The following RAD18 variants were observed in gnomAD, a reference collection of about 807,000 sequenced individuals.
The protein encoded by RAD18 is E3 ubiquitin-protein ligase RAD18.
A neutral mutation model predicts 60.4 loss-of-function variants in RAD18; 47 were observed. The ratio of observed to expected loss-of-function variants is 0.78; its 90% confidence interval spans 0.62 to 0.99. RAD18 has a LOEUF of 0.99. Among genes scored for constraint, RAD18 ranks in the 50% least tolerant of loss-of-function variants. The probability of loss-of-function intolerance (pLI) is 0.00; values close to 1 mark genes in which losing one functional copy is unlikely to be tolerated. For synonymous variants in RAD18, 225 were observed against 195.5 expected, an observed-to-expected ratio of 1.15 and a Z score of -1.26; for missense variants, 640 against 593.3, an observed-to-expected ratio of 1.08 and a Z score of -0.82.
At chr3:8,886,304 G>C (rs45556034) in intron 12 of RAD18, among the ~76,000 whole-genome samples, 3,899 of 152,258 alleles carry the variant, frequency 0.026, 163 homozygotes, top group African/African-American at 0.088. Flanking sequence ...CTGCAAAAGG[G>C]AGGAGGTATA....
In RAD18 at chr3:8,963,376, G is replaced by A. The variant is rs531231872; in HGVS notation, c.10C>T (p.Leu4=). The part of the protein sequence containing the change: MDS[L]AESRWPPGLA... ...CCCGGAGGCCACCGAGACTCGGCCA[G>A]GGAGTCCATGGTCGCTCCCGAGGAT... Residue 4 remains leucine (L), a synonymous_variant, in exon 1 of 13, where the codon CTG becomes TTG. Coordinates refer to ENST00000264926, the MANE Select transcript of RAD18 (RefSeq NM_020165.4). The A allele has an allele frequency of 4.4e-6, 7 of 1,609,144 alleles. No individual in the cohort carries two copies. The highest frequency in any genetic ancestry group is 5.9e-6 in the Non-Finnish European group (7 of 1,177,866).
chr3:8,880,111 AT>A lies in RAD18; in HGVS notation c.*1245del, dbSNP rs1298619916. 2.0e-5 allele frequency: 3 copies of A among 152,074 alleles called. No individual in the cohort carries two copies. Among genetic ancestry groups the A allele is most frequent in the Non-Finnish European group, 2.9e-5 (2 of 68,018 alleles). The allele number at this position is 152,074 out of a possible 1,614,324, so 9.4% of individuals were successfully genotyped here. ...CATGCAAATGAAATTATTATGACAA[AT>A]TTTTCTATAGCCATTTCTAACACAG... On this transcript the variant is annotated 3_prime_UTR_variant, in exon 13 of 13. Transcript: ENST00000264926.
chr3:8,946,903 G>A, intron 4 of RAD18: 1 of 226,466 alleles, frequency 4.4e-6, no homozygotes, highest in Non-Finnish European at 8.6e-6. Flanking sequence ...TCCAAGAAGA[G>A]GAGCTCCTTG....
At chr3:8,945,468 C>CATT (rs1940824021) in intron 4 of RAD18, among the ~76,000 whole-genome samples, 1 of 96,374 alleles carries the variant, frequency 1.0e-5, no homozygotes. Flanking sequence ...TTTCCATCTT[C>CATT]TTTTTTTTTT....
intron 7 of RAD18, among the ~76,000 whole-genome samples, chr3:8,926,988 C>T (rs1940451940): frequency 6.6e-6 from 1 of 152,040 alleles, no homozygotes. Context: ...CCATTCAGGA[C>T]ATAGGCATGG....
chr3:8,890,103 C>T (rs755324496), intron 12 of RAD18: 9 of 396,596 alleles, frequency 2.3e-5, no homozygotes, highest in East Asian at 5.0e-5. Context: ...TTTCTCAGGA[C>T]GTATCCCCAT....
chr3:8,918,084 G>A (rs570861074), intron 7 of RAD18, among the ~76,000 whole-genome samples: 239 of 152,222 alleles, frequency 1.6e-3, no homozygotes, highest in African/African-American at 4.4e-3. Flanking sequence ...TTGGGAGGCC[G>A]AGGCGAGTGG....
Position 8,947,016 on chromosome 3 carries a change from A to G in RAD18, c.266+204T>C, listed in dbSNP as rs1940849721. 6 of 521,890 alleles carry G rather than the reference A, an allele frequency of 1.1e-5. No homozygotes were observed. The South Asian group carries it at 1.4e-4, about 12-fold the overall frequency. 32.3% of individuals were successfully genotyped at this position (521,890 alleles called of 1,614,324 possible). ...CTGCGTTTTAACTCTTAATTATTCTATACTACAGGAGAATTTCTGTTAAGT... is the reference window on the plus strand; with the variant it reads ...CTGCGTTTTAACTCTTAATTATTCTGTACTACAGGAGAATTTCTGTTAAGT... On this transcript the variant is annotated intron_variant, in intron 4 of 12. Coordinates refer to ENST00000264926, the MANE Select transcript of RAD18 (RefSeq NM_020165.4).
In RAD18 at chr3:8,895,000, C is replaced by T. The variant is rs143045584; in HGVS notation, c.1322+3894G>A. On this transcript the variant is annotated intron_variant, in intron 11 of 12. Coordinates refer to ENST00000264926, the MANE Select transcript of RAD18 (RefSeq NM_020165.4). ...GTCTTCCTGACTTCAGGTGATCCAC[C>T]TGCCTTGGCCTCCCAAAGTGCTGGG... Among the ~76,000 whole-genome samples the T allele has an allele frequency of 7.9e-5, 12 of 152,196 alleles. No homozygotes were observed. In the East Asian group the frequency reaches 2.3e-3, roughly 29 times the overall value.
rs182518199 is a variant in RAD18 at position 8,905,318 on chromosome 3, C to T, written c.1028-2798G>A. Among the ~76,000 whole-genome samples, 254 of 152,222 alleles carry T rather than the reference C, an allele frequency of 1.7e-3. 1 individual carries two copies. The highest frequency in any genetic ancestry group is 3.3e-3 in the Admixed American group (50 of 15,292). On this transcript the variant is annotated intron_variant, in intron 9 of 12. Coordinates refer to ENST00000264926, the MANE Select transcript of RAD18 (RefSeq NM_020165.4). Reference sequence around the variant, plus strand: ...AGTTTAAATGTAATCTTTTTTAGAACGAAATCAAGCCCTTTACTCCCTGAT... The same window carrying T: ...AGTTTAAATGTAATCTTTTTTAGAATGAAATCAAGCCCTTTACTCCCTGAT...
At chr3:8,945,431 CTG>C (rs1940822879) in intron 4 of RAD18, among the ~76,000 whole-genome samples, 1 of 150,202 alleles carries the variant, frequency 6.7e-6, no homozygotes, top group Non-Finnish European at 1.5e-5. Flanking sequence ...AATCCTAACC[CTG>C]TGTGGGCCTA....
intron 7 of RAD18, among the ~76,000 whole-genome samples, chr3:8,922,703 C>T (rs191657586): frequency 1.9e-3 from 292 of 152,280 alleles, no homozygotes; most frequent in Middle Eastern, 0.014. Context: ...GGCCAGGTAC[C>T]CCTCTGAAAC....
intron 5 of RAD18, among the ~76,000 whole-genome samples, chr3:8,939,990 C>G (rs1469327192): frequency 1.3e-5 from 2 of 152,226 alleles, no homozygotes; most frequent in Non-Finnish European, 2.9e-5. Flanking sequence ...TAAATTTTCC[C>G]AACCCTTAGG....
chr3:8,922,609 G>A (rs1940344517), intron 7 of RAD18, among the ~76,000 whole-genome samples: 1 of 152,240 alleles, frequency 6.6e-6, no homozygotes, highest in South Asian at 2.1e-4. Context: ...AGAATGGACA[G>A]ACTGCCTCTT....
chr3:8,954,425 T>C (rs1362959246), intron 2 of RAD18, among the ~76,000 whole-genome samples: 2 of 152,252 alleles, frequency 1.3e-5, no homozygotes, highest in African/African-American at 4.8e-5. Context: ...TCTTCCATTA[T>C]GAAGTGAGAA....
intron 7 of RAD18, among the ~76,000 whole-genome samples, chr3:8,934,559 G>C (rs1940618275): frequency 6.6e-6 from 1 of 152,168 alleles, no homozygotes; most frequent in South Asian, 2.1e-4. Context: ...CACTAGAATG[G>C]CTAAAATGGA....
At chr3:8,915,139 C>T (rs1352925771) in intron 7 of RAD18, among the ~76,000 whole-genome samples, 1 of 104,846 alleles carries the variant, frequency 9.5e-6, no homozygotes, top group African/African-American at 3.5e-5. Flanking sequence ...CAAAGCGAGA[C>T]TCCGTCTCAA....
chr3:8,941,655 C>A lies in RAD18; in HGVS notation c.416G>T (p.Arg139Ile). ...CTCTGATGTAGAACCACTCATTTCT[C>A]TGATCAAGAAATTATCCATTAACCT... ...GSRLMDNFLI[R>I]EMSGSTSELL... Residue 139 changes from arginine to isoleucine, a missense_variant, in exon 5 of 13, where the codon AGA becomes ATA. Arg to Ile is a moderately conservative substitution (Grantham distance 97, BLOSUM62 -3). Coordinates refer to ENST00000264926, the MANE Select transcript of RAD18 (RefSeq NM_020165.4). The A allele has an allele frequency of 1.2e-6, 2 of 1,614,146 alleles. No homozygotes were observed. Among genetic ancestry groups the A allele is most frequent in the Non-Finnish European group, 1.7e-6 (2 of 1,180,012 alleles).
chr3:8,958,337 CAAT>C (rs1425838132), intron 2 of RAD18, among the ~76,000 whole-genome samples: 2 of 152,186 alleles, frequency 1.3e-5, no homozygotes, highest in Non-Finnish European at 2.9e-5. Context: ...AGCTCCTCAA[CAAT>C]GATAGGGTAA....
Sources: gnomAD v4.1 joint callset for allele counts (sites outside exome capture counted in the v4.1 genomes callset) on GRCh38, gnomAD v4.1.1 for gene constraint, MANE v1.5 for transcripts, NCBI Gene and HGNC (gene_info 2026-07-23, HGNC 2026-07-21) for gene names.